The following PGAP4 variants were observed in gnomAD, a reference collection of about 807,000 sequenced individuals.
PGAP4 encodes GPI-N-acetylgalactosamine transferase PGAP4.
Under a neutral mutation model 28.2 loss-of-function variants are expected in PGAP4, and 12 were observed. That is an observed-to-expected ratio of 0.42 (90% CI 0.27 to 0.69). PGAP4 has a LOEUF of 0.69. PGAP4 is among the 30% of genes least tolerant of loss of function. The pLI is 0.22. For synonymous variants in PGAP4, 205 were observed against 211.8 expected, an observed-to-expected ratio of 0.97 and a Z score of 0.28; for missense variants, 425 against 513.5, an observed-to-expected ratio of 0.83 and a Z score of 1.67.
Position 101,497,182 on chromosome 9 carries a change from C to T in PGAP4, c.-164-7982G>A, listed in dbSNP as rs191165806. ...ATATCGATTATTTAATTTAACAGAA[C>T]TTTAAGATTTTAAGTTCTATGAAAA... On this transcript the variant is annotated intron_variant, in intron 2 of 3. Transcript: ENST00000374851. 7.3e-4 allele frequency among the ~76,000 whole-genome samples: 110 copies of T among 151,226 alleles called. 1 individual carries two copies. The highest frequency in any genetic ancestry group is 1.2e-3 in the Non-Finnish European group (84 of 67,454).
chr9:101,497,816 C>T (rs535685481), intron 2 of PGAP4, among the ~76,000 whole-genome samples: 132 of 151,650 alleles, frequency 8.7e-4, no homozygotes, highest in Non-Finnish European at 1.7e-3. Flanking sequence ...GAATTTGGGT[C>T]AACTAAGCCA....
chr9:101,487,852 T>C (rs980886232), upstream of PGAP4, among the ~76,000 whole-genome samples: 2 of 152,234 alleles, frequency 1.3e-5, no homozygotes, highest in African/African-American at 4.8e-5. Flanking sequence ...AAAGTTTTAC[T>C]GCAACATAGT....
At chr9:101,491,814 T>G (rs1265619109), upstream of PGAP4, among the ~76,000 whole-genome samples, 4 of 69,098 alleles carry the variant, frequency 5.8e-5, no homozygotes, top group Non-Finnish European at 1.3e-4. Context: ...TCTTAAAGGA[T>G]ATATATATAT....
At chr9:101,531,165 G>A (rs1202470074) in intron 2 of PGAP4, 2 of 145,570 alleles carry the variant, frequency 1.4e-5, no homozygotes, top group Admixed American at 6.9e-5. Flanking sequence ...TCCTTATAAT[G>A]TCCCTCTCTC....
At chr9:101,517,781 G>T (rs116243567) in intron 2 of PGAP4, among the ~76,000 whole-genome samples, 8 of 152,126 alleles carry the variant, frequency 5.3e-5, no homozygotes, top group Non-Finnish European at 1.5e-5. Flanking sequence ...TGACTTCCAC[G>T]GAAGCTTAAG....
chr9:101,493,274 A>G lies in PGAP4; in HGVS notation c.-164-4074T>C, dbSNP rs1419977770. Among the ~76,000 whole-genome samples, 8 of 149,800 alleles carry G rather than the reference A, an allele frequency of 5.3e-5. No homozygotes were observed. In the East Asian group the frequency reaches 1.6e-3, roughly 30 times the overall value. On this transcript the variant is annotated intron_variant, in intron 2 of 3. Transcript: ENST00000374851. ...TCTCAAAAAAAAAAAAAAAAATAGT[A>G]AACTTATAAATCTCACTAAGTGCAG... is the stretch of plus-strand genomic sequence containing the variant.
In PGAP4 at chr9:101,475,370, A is replaced by C. The variant is rs956501803; in HGVS notation, c.*511T>G. On this transcript the variant is annotated 3_prime_UTR_variant, in exon 2 of 2. Coordinates refer to ENST00000374848, the MANE Select transcript of PGAP4 (RefSeq NM_032342.3). ...CACGGCTTTTATCAGTTTTTATTAC[A>C]TCAGGTCAAGGAAACAAATGGAATC... The C allele has an allele frequency of 6.2e-6, 1 of 160,412 alleles. No individual in the cohort carries two copies. The highest frequency in any genetic ancestry group is 5.7e-5 in the Admixed American group (1 of 17,606). 9.9% of individuals were successfully genotyped at this position (160,412 alleles called of 1,614,324 possible).
intron 2 of PGAP4, among the ~76,000 whole-genome samples, chr9:101,530,443 T>G (rs1005396945): frequency 2.0e-5 from 3 of 152,246 alleles, no homozygotes; most frequent in Non-Finnish European, 4.4e-5. Context: ...AAGATTACTA[T>G]TTGCTTAAAT....
In PGAP4 at chr9:101,502,314, C is replaced by T. The variant is rs1008714943; in HGVS notation, c.-164-13114G>A. On this transcript the variant is annotated intron_variant, in intron 2 of 3. Transcript: ENST00000374851. The stretch of plus-strand genomic sequence containing the variant: ...AAGAAAATACCTCTGTCCTCAGTGA[C>T]GTACTCTTTTGGGTTTGGATGTGGT... Among the ~76,000 whole-genome samples, 10 of 152,162 alleles carry T rather than the reference C, an allele frequency of 6.6e-5. No individual in the cohort carries two copies. In the Middle Eastern group the frequency reaches 0.01, roughly 155 times the overall value.
Position 101,475,866 on chromosome 9 carries a change from G to A in PGAP4, c.*15C>T. 2 of 1,599,506 alleles carry A rather than the reference G, an allele frequency of 1.3e-6. No homozygotes were observed. Among genetic ancestry groups the A allele is most frequent in the Non-Finnish European group, 1.7e-6 (2 of 1,173,246 alleles). ...TCAAGAAGTGGCCAACTTCAGAAAG[G>A]CATCTCTTGGCACCCTAGAGGAGAC... is the stretch of plus-strand genomic sequence containing the variant. On this transcript the variant is annotated 3_prime_UTR_variant, in exon 2 of 2. Coordinates refer to ENST00000374848, the MANE Select transcript of PGAP4 (RefSeq NM_032342.3).
chr9:101,505,277 A>AATTTG (rs2118599080), intron 2 of PGAP4, among the ~76,000 whole-genome samples: 1 of 152,214 alleles, frequency 6.6e-6, no homozygotes, highest in African/African-American at 2.4e-5. Flanking sequence ...TTCCAAATGG[A>AATTTG]GAAGATTGTT....
At chr9:101,513,742 A>G (rs142777040) in intron 2 of PGAP4, among the ~76,000 whole-genome samples, 59 of 152,274 alleles carry the variant, frequency 3.9e-4, no homozygotes, top group African/African-American at 1.4e-3. Context: ...TCACATAATT[A>G]TGGAGACAGG....
chr9:101,476,817 A>G lies in PGAP4; in HGVS notation c.276T>C (p.Ile92=), dbSNP rs1001799372. The G allele has an allele frequency of 3.0e-5, 49 of 1,610,530 alleles. No individual in the cohort carries two copies. The highest frequency in any genetic ancestry group is 4.1e-5 in the Non-Finnish European group (48 of 1,178,186). Residue 92 remains isoleucine (I), a synonymous_variant, in exon 2 of 2, where the codon ATT becomes ATC. Transcript: ENST00000374848. This position sits in a 1 kb window ranked among gnomAD's most constrained non-coding sequence, Gnocchi z 7.0. Reference sequence around the variant, plus strand: ...AGGGCCGGGGGGTGGCCTGCCAGACAATGGGCACTGAGCCATTGGCAGAGG... The same window carrying G: ...AGGGCCGGGGGGTGGCCTGCCAGACGATGGGCACTGAGCCATTGGCAGAGG... The part of the protein sequence containing the change: ...ELPSANGSVP[I]VWQATPRPWL...
At chr9:101,485,217 T>C (rs1407628492) in intron 1 of PGAP4, among the ~76,000 whole-genome samples, 1 of 152,196 alleles carries the variant, frequency 6.6e-6, no homozygotes, top group African/African-American at 2.4e-5. Flanking sequence ...GGTTTTAATA[T>C]CTGACTAGGC....
chr9:101,504,871 G>A (rs1826836352), intron 2 of PGAP4, among the ~76,000 whole-genome samples: 2 of 152,064 alleles, frequency 1.3e-5, no homozygotes, highest in African/African-American at 4.8e-5. Context: ...AACTTGGCTG[G>A]TGGGCATTGG....
intron 2 of PGAP4, among the ~76,000 whole-genome samples, chr9:101,524,960 G>A (rs981237399): frequency 2.0e-5 from 3 of 152,184 alleles, no homozygotes; most frequent in Non-Finnish European, 2.9e-5. Flanking sequence ...TGTCCGGAGC[G>A]GCAATCTAGT....
In PGAP4 at chr9:101,476,335, T is replaced by C. The variant is rs1440072350; in HGVS notation, c.758A>G (p.His253Arg). 1 of 1,613,932 alleles carries C rather than the reference T, an allele frequency of 6.2e-7. No individual in the cohort carries two copies. The highest frequency in any genetic ancestry group is 1.3e-5 in the African/African-American group (1 of 74,892). Residue 253 changes from histidine (H) to arginine (R), a missense_variant, in exon 2 of 2, where the codon CAC becomes CGC. His to Arg is a conservative substitution (Grantham distance 29). Coordinates refer to ENST00000374848, the MANE Select transcript of PGAP4 (RefSeq NM_032342.3). This position sits in a 1 kb window ranked among gnomAD's most constrained non-coding sequence, Gnocchi z 7.0. ...CCGCATGGGCTCTGGATTGATGTAG[T>C]GCTGGAGCCTCTCGGGGTGATACAG... ...LKLYHPERLQ[H>R]YINPEPMRIL...
Position 101,486,487 on chromosome 9 carries a change from G to A in PGAP4, c.-78+462C>T, listed in dbSNP as rs948845090. Among the ~76,000 whole-genome samples, 1 of 152,190 alleles carries A rather than the reference G, an allele frequency of 6.6e-6. No homozygotes were observed. Among genetic ancestry groups the A allele is most frequent in the African/African-American group, 2.4e-5 (1 of 41,462 alleles). On this transcript the variant is annotated intron_variant, in intron 1 of 1. Transcript: ENST00000374848. This position sits in a 1 kb window ranked among gnomAD's most constrained non-coding sequence, Gnocchi z 4.7. ...CGAACCTAAGGTGTGGACGCGCCGC[G>A]AGGGTCCCCTGCTTGCGGGCGGCCA...
intron 2 of PGAP4, among the ~76,000 whole-genome samples, chr9:101,527,416 G>A (rs1364655775): frequency 1.3e-5 from 2 of 152,040 alleles, no homozygotes; most frequent in Non-Finnish European, 2.9e-5. Flanking sequence ...AATACATGTC[G>A]TTGTTGGAGT....
Sources: gnomAD v4.1 joint callset for allele counts (sites outside exome capture counted in the v4.1 genomes callset) on GRCh38, gnomAD v4.1.1 for gene constraint, Gnocchi (gnomAD v3.1) non-coding constraint, MANE v1.5 for transcripts, NCBI Gene and HGNC (gene_info 2026-07-23, HGNC 2026-07-21) for gene names.